PTPRD: variants seen among roughly 807,000 people sequenced by gnomAD.
PTPRD encodes receptor-type tyrosine-protein phosphatase delta.
A neutral mutation model predicts 214.5 loss-of-function variants in PTPRD; 34 were observed. That is an observed-to-expected ratio of 0.16 (90% CI 0.12 to 0.21). PTPRD has a LOEUF of 0.21. Ranked by LOEUF, PTPRD falls within the 10% of genes least tolerant of loss-of-function variation. The pLI is 1.00. For missense variants in PTPRD, 2,545 were observed against 2,398.7 expected (o/e 1.06, Z -1.27); for synonymous variants, 1,128 against 845.7 (o/e 1.33, Z -5.79).
At chr9:9,974,774 C>G (rs1323349940) in intron 4 of PTPRD, among the ~76,000 whole-genome samples, 1 of 152,074 alleles carries the variant, frequency 6.6e-6, no homozygotes, top group Non-Finnish European at 1.5e-5. Context: ...AACTTCTTAC[C>G]TATTGGTTGA....
chr9:9,957,674 T>C (rs962548464), intron 4 of PTPRD, among the ~76,000 whole-genome samples: 8 of 151,986 alleles, frequency 5.3e-5, no homozygotes, highest in Non-Finnish European at 1.0e-4. Context: ...ACAATATTAG[T>C]GATACTGACA....
At chr9:10,589,382 C>A (rs191803386) in intron 2 of PTPRD, among the ~76,000 whole-genome samples, 2 of 151,992 alleles carry the variant, frequency 1.3e-5, no homozygotes, top group Non-Finnish European at 1.5e-5. Context: ...AGTGTGGGAC[C>A]AGTCACTCAG....
intron 3 of PTPRD, among the ~76,000 whole-genome samples, chr9:10,124,419 C>A (rs2098799871): frequency 6.6e-6 from 1 of 152,164 alleles, no homozygotes; most frequent in Non-Finnish European, 1.5e-5. Flanking sequence ...TATAATACAA[C>A]ACACCATGCG....
intron 3 of PTPRD, among the ~76,000 whole-genome samples, chr9:10,308,853 C>T (rs189334768): frequency 9.9e-5 from 15 of 152,010 alleles, no homozygotes; most frequent in Admixed American, 3.3e-4. Context: ...TTGTGTTAAC[C>T]GGTTTTGTCT....
At chr9:9,018,116 C>T (rs1390565087) in intron 11 of PTPRD, among the ~76,000 whole-genome samples, 1 of 152,094 alleles carries the variant, frequency 6.6e-6, no homozygotes, top group South Asian at 2.1e-4. Context: ...TTCCTTTTGA[C>T]TGCACTTCAC....
intron 7 of PTPRD, among the ~76,000 whole-genome samples, chr9:9,689,960 T>C (rs977275125): frequency 3.3e-5 from 5 of 151,914 alleles, no homozygotes; most frequent in African/African-American, 9.7e-5. Context: ...AGTGCAGATC[T>C]CTCTCTTATG....
At chr9:10,413,138 A>G (rs1270260001) in intron 2 of PTPRD, among the ~76,000 whole-genome samples, 1 of 151,914 alleles carries the variant, frequency 6.6e-6, no homozygotes, top group Non-Finnish European at 1.5e-5. Context: ...GAAAGATATA[A>G]AAAGAATCCA....
intron 3 of PTPRD, among the ~76,000 whole-genome samples, chr9:10,049,808 T>C (rs1436452100): frequency 6.6e-6 from 1 of 152,200 alleles, no homozygotes; most frequent in Non-Finnish European, 1.5e-5. Flanking sequence ...GAAATGCTTG[T>C]AGGCCAAGTC....
At chr9:8,583,033 G>T (rs1265563226) in intron 14 of PTPRD, among the ~76,000 whole-genome samples, 2 of 152,180 alleles carry the variant, frequency 1.3e-5, no homozygotes, top group Non-Finnish European at 2.9e-5. Context: ...TTGATTCAAT[G>T]GAATATTTAA....
intron 11 of PTPRD, among the ~76,000 whole-genome samples, chr9:8,928,817 C>G (rs184204226): frequency 6.6e-6 from 1 of 152,098 alleles, no homozygotes; most frequent in East Asian, 1.9e-4. Context: ...TTCTTCCTAT[C>G]CATGAGGATG....
rs147677138 is a variant in PTPRD at position 9,521,686 on chromosome 9, C to A, written c.-237+53046G>T. ...CCCTATGCCTCGTAAATGACATACA[C>A]ATGTATGGTCAGAAAAATGAAGTTC... On this transcript the variant is annotated intron_variant, in intron 8 of 45. Coordinates refer to ENST00000381196, the MANE Select transcript of PTPRD (RefSeq NM_002839.4). Among the ~76,000 whole-genome samples the A allele has an allele frequency of 2.6e-5, 4 of 152,132 alleles. No individual in the cohort carries two copies. The East Asian group carries it at 7.7e-4, about 29-fold the overall frequency.
At chr9:10,353,669 A>G (rs1400111969) in intron 2 of PTPRD, among the ~76,000 whole-genome samples, 3 of 151,996 alleles carry the variant, frequency 2.0e-5, no homozygotes, top group Non-Finnish European at 4.4e-5. Context: ...TTAAAAATCA[A>G]GACTATCCCT....
intron 9 of PTPRD, among the ~76,000 whole-genome samples, chr9:9,186,411 T>C (rs2099931517): frequency 6.6e-6 from 1 of 152,048 alleles, no homozygotes; most frequent in Non-Finnish European, 1.5e-5. Context: ...TATATGTTCA[T>C]GAAGCCTGGG....
chr9:10,350,901 A>T (rs1231408546), intron 2 of PTPRD, among the ~76,000 whole-genome samples: 1 of 152,174 alleles, frequency 6.6e-6, no homozygotes, highest in African/African-American at 2.4e-5. Flanking sequence ...GTGGAAAGAC[A>T]TCGTAATTCC....
chr9:8,809,039 T>G (rs2096747099), intron 11 of PTPRD, among the ~76,000 whole-genome samples: 1 of 152,128 alleles, frequency 6.6e-6, no homozygotes, highest in Non-Finnish European at 1.5e-5. Context: ...CACTGTCCAG[T>G]GAAACTAACT....
intron 3 of PTPRD, among the ~76,000 whole-genome samples, chr9:10,189,374 C>G (rs1158387046): frequency 6.6e-6 from 1 of 152,054 alleles, no homozygotes; most frequent in Non-Finnish European, 1.5e-5. Context: ...GAAGCTAGCC[C>G]AGAATTCCTT....
At chr9:9,301,606 C>T (rs995007857) in intron 9 of PTPRD, among the ~76,000 whole-genome samples, 1 of 151,798 alleles carries the variant, frequency 6.6e-6, no homozygotes, top group Non-Finnish European at 1.5e-5. Flanking sequence ...TACTTTATCC[C>T]TTGAATATTG....
intron 10 of PTPRD, among the ~76,000 whole-genome samples, chr9:9,079,520 G>C (rs952309419): frequency 1.3e-5 from 2 of 152,046 alleles, no homozygotes; most frequent in African/African-American, 2.4e-5. Flanking sequence ...TCTCAGTAGG[G>C]GGATTGCTGG....
At chr9:8,609,520 G>A (rs966007815) in intron 14 of PTPRD, among the ~76,000 whole-genome samples, 11 of 152,216 alleles carry the variant, frequency 7.2e-5, no homozygotes, top group Non-Finnish European at 1.3e-4. Context: ...TGAATCAGGT[G>A]GATGTGCATT....
Sources: gnomAD v4.1 joint callset for allele counts (sites outside exome capture counted in the v4.1 genomes callset) on GRCh38, gnomAD v4.1.1 for gene constraint, MANE v1.5 for transcripts, NCBI Gene and HGNC (gene_info 2026-07-23, HGNC 2026-07-21) for gene names.